Variants in CES1 observed in about 807,000 individuals in gnomAD.
The protein encoded by CES1 is carboxylesterase 1.
In CES1, 50 loss-of-function variants were observed where a neutral mutation model predicts 53.0. The ratio of observed to expected loss-of-function variants is 0.94; its 90% CI spans 0.75 to 1.19. CES1 has a LOEUF of 1.19. Among genes scored for constraint, CES1 ranks in the 50% most tolerant of loss-of-function variants. The pLI is 0.00. For synonymous variants in CES1, 202 were observed against 210.1 expected (o/e 0.96, Z 0.33); for missense variants, 534 against 538.0 (o/e 0.99, Z 0.07).
intron 2 of CES1, among the ~76,000 whole-genome samples, chr16:55,828,411 C>G (rs2032499850): frequency 6.6e-6 from 1 of 152,200 alleles, no homozygotes. Flanking sequence ...TTAACTGCTT[C>G]TTTGTTTCCA....
intron 1 of CES1, among the ~76,000 whole-genome samples, chr16:55,830,433 C>A (rs1474185453): frequency 3.9e-5 from 6 of 152,016 alleles, no homozygotes; most frequent in African/African-American, 1.5e-4. Context: ...AATCCTCCCC[C>A]CCATCTTAAT....
intron 9 of CES1, among the ~76,000 whole-genome samples, chr16:55,811,275 T>G (rs561368887): frequency 4.0e-5 from 6 of 151,314 alleles, no homozygotes; most frequent in African/African-American, 1.2e-4. Flanking sequence ...TGTGTGTGTG[T>G]GCGCGCGTGT....
At chr16:55,830,690 C>A (rs1269780425) in intron 1 of CES1, among the ~76,000 whole-genome samples, 4 of 150,058 alleles carry the variant, frequency 2.7e-5, no homozygotes, top group African/African-American at 9.9e-5. Flanking sequence ...GTAATCCTGG[C>A]TCCTCCAGAG....
chr16:55,822,668 C>G (rs1381796043), intron 4 of CES1, among the ~76,000 whole-genome samples: 1 of 151,946 alleles, frequency 6.6e-6, no homozygotes, highest in Non-Finnish European at 1.5e-5. Flanking sequence ...TCTGGCTGCT[C>G]CCTGGGATCA....
At chr16:55,822,009 G>A (rs1379753433) in intron 4 of CES1, among the ~76,000 whole-genome samples, 1 of 152,220 alleles carries the variant, frequency 6.6e-6, no homozygotes, top group Non-Finnish European at 1.5e-5. Context: ...CATAAAACAA[G>A]CACAATGAGC....
At chr16:55,824,445 C>T (rs1361794653) in intron 3 of CES1, among the ~76,000 whole-genome samples, 5 of 152,130 alleles carry the variant, frequency 3.3e-5, no homozygotes, top group East Asian at 1.9e-4. Context: ...TATAAAAGAA[C>T]TCGTAACATA....
At position 55,822,539 on chromosome 16, in the gene CES1, G is replaced by T. The variant is rs530791259; in HGVS notation, c.539+1011C>A. Among the ~76,000 whole-genome samples the T allele has an allele frequency of 2.0e-5, 3 of 152,148 alleles. 1 individual carries two copies. Among genetic ancestry groups the T allele is most frequent in the African/African-American group, 4.8e-5 (2 of 41,418 alleles). ...TCTCTGTTGGGGAGGGGCAGTGGGA[G>T]TCAAGGATTCAACTTGTCCCTGGGA... is the stretch of plus-strand genomic sequence containing the variant. On this transcript the variant is annotated intron_variant, in intron 4 of 13. Coordinates refer to ENST00000360526, the MANE Select transcript of CES1 (RefSeq NM_001025195.2).
intron 11 of CES1, among the ~76,000 whole-genome samples, chr16:55,809,197 T>C (rs2031574766): frequency 6.7e-6 from 1 of 149,986 alleles, no homozygotes; most frequent in Admixed American, 6.7e-5. Flanking sequence ...ATGGGAACTC[T>C]ATATATAGTT....
At chr16:55,823,919 C>T (rs1193267043) in intron 3 of CES1, among the ~76,000 whole-genome samples, 1 of 152,230 alleles carries the variant, frequency 6.6e-6, no homozygotes, top group African/African-American at 2.4e-5. Context: ...TTCTACCCAG[C>T]CTCCAGTGCC....
intron 3 of CES1, 65 bp downstream of exon 3, chr16:55,826,086 T>C (rs1348771263): frequency 6.2e-7 from 1 of 1,606,582 alleles, no homozygotes; most frequent in African/African-American, 1.3e-5. Flanking sequence ...CTCCCTTCCA[T>C]TCTGCCCCAG....
At chr16:55,826,350 T>TCTACGGCAG in intron 2 of CES1, 55 bp from the exon 3 acceptor site, 1 of 1,605,816 alleles carries the variant, frequency 6.2e-7, no homozygotes. Context: ...AGCGAGGTGT[T>TCTACGGCAG]TTCTACGGCA....
At chr16:55,818,227 G>A (rs2032031937) in intron 7 of CES1, among the ~76,000 whole-genome samples, 1 of 152,208 alleles carries the variant, frequency 6.6e-6, no homozygotes, top group Non-Finnish European at 1.5e-5. Flanking sequence ...TCATCTGGGT[G>A]TTTGTCCTCC....
At chr16:55,818,432 G>T (rs1189440075) in intron 7 of CES1, among the ~76,000 whole-genome samples, 2 of 152,192 alleles carry the variant, frequency 1.3e-5, no homozygotes, top group Non-Finnish European at 2.9e-5. Flanking sequence ...AAATTTATCT[G>T]TCTTTGTTAC....
chr16:55,826,400 G>A, intron 2 of CES1, 105 bp from the exon 3 acceptor site: 1 of 1,359,966 alleles, frequency 7.4e-7, no homozygotes, highest in East Asian at 2.3e-5. Flanking sequence ...AAATGGACTT[G>A]ATAGTTACAG....
chr16:55,821,068 G>GAGACAA, intron 5 of CES1, among the ~76,000 whole-genome samples: 1 of 82,710 alleles, frequency 1.2e-5, no homozygotes, highest in African/African-American at 3.6e-5. Flanking sequence ...GTGAAGGAGA[G>GAGACAA]AGAGAAAGAG....
chr16:55,822,821 G>A (rs1319018353), intron 4 of CES1, among the ~76,000 whole-genome samples: 2 of 152,108 alleles, frequency 1.3e-5, no homozygotes, highest in African/African-American at 2.4e-5. Flanking sequence ...GAGAGGTTGG[G>A]TGGAGAGCAG....
chr16:55,813,025 T>C lies in CES1; in HGVS notation c.964A>G (p.Thr322Ala), dbSNP rs755496821. 6.2e-7 allele frequency: 1 copy of C among 1,613,984 alleles called. No homozygotes were observed. Among genetic ancestry groups the C allele is most frequent in the Non-Finnish European group, 8.5e-7 (1 of 1,179,904 alleles). The change falls in exon 9 of 14, where the codon ACT (threonine) becomes GCT (alanine). Residue 322 changes from threonine (T) to alanine (A), a missense_variant. Around this residue, in one of 5 missense-constraint regions of CES1, gnomAD observed 269 missense variants for 206.6 expected, o/e 1.30. Coordinates refer to ENST00000360526, the MANE Select transcript of CES1 (RefSeq NM_001025195.2). ...AGCAGCAGCATCCCATCAATCACAG[T>C]GCCCAGAAGGGGTTGACTCTGGGGA... The part of the protein sequence containing the change: ...DPRESQPLLG[T>A]VIDGMLLLKT...
chr16:55,810,473 G>T, intron 11 of CES1, 44 bp downstream of exon 11: 2 of 1,613,218 alleles, frequency 1.2e-6, no homozygotes. Context: ...AGATACAGAA[G>T]CTCGTGGGGT....
rs772460068 is a variant in CES1 at position 55,810,953 on chromosome 16, G to A, written c.1144C>T (p.Leu382Phe). 6.2e-7 allele frequency: 1 copy of A among 1,613,800 alleles called. No homozygotes were observed. The highest frequency in any genetic ancestry group is 8.5e-7 in the Non-Finnish European group (1 of 1,179,892). Residue 382 changes from leucine (L) to phenylalanine (F), a missense_variant, in exon 10 of 14, where the codon CTC becomes TTC. Transcript: ENST00000360526. ...ACAAGGGGATAGGACTTCCACAGGA[G>A]TGACATGGCTGTCTTCTGGTCCAGT... Reference protein sequence around the residue: ...GQLDQKTAMSLLWKSYPLVCI... With the variant: ...GQLDQKTAMSFLWKSYPLVCI...
Sources: allele counts gnomAD v4.1 joint callset (sites outside exome capture counted in the v4.1 genomes callset), GRCh38; gene constraint gnomAD v4.1.1; regional missense constraint gnomAD v4.1.1; transcripts MANE v1.5; gene names NCBI Gene and HGNC (gene_info 2026-07-23, HGNC 2026-07-21).